ITGA7: variants seen among roughly 807,000 people sequenced by gnomAD.
ITGA7 encodes integrin subunit alpha 7.
ITGA7 carries 84 observed loss-of-function variants against 131.6 expected under a neutral mutation model. That is an observed-to-expected ratio of 0.64 (90% CI 0.54 to 0.77). The LOEUF is 0.77. Ranked by LOEUF, ITGA7 falls within the 30% of genes least tolerant of loss-of-function variation. The probability of loss-of-function intolerance (pLI) is 0.00; values close to 1 mark genes in which losing one functional copy is unlikely to be tolerated. For synonymous variants in ITGA7, 548 were observed against 600.7 expected, an observed-to-expected ratio of 0.91 and a Z score of 1.28; for missense variants, 1,399 against 1,482.9, an observed-to-expected ratio of 0.94 and a Z score of 0.93.
chr12:55,699,130 C>T (rs1027581582), intron 5 of ITGA7, among the ~76,000 whole-genome samples: 4 of 152,102 alleles, frequency 2.6e-5, no homozygotes, highest in Non-Finnish European at 5.9e-5. Context: ...CCCCACAGGG[C>T]CTGGCAGCCT....
At position 55,700,836 on chromosome 12, in the gene ITGA7, AC is replaced by A. The variant is rs1265981246; in HGVS notation, c.670+62del. The A allele has an allele frequency of 2.5e-6, 4 of 1,608,976 alleles. No homozygotes were observed. In the Admixed American group the frequency reaches 6.7e-5, roughly 27 times the overall value. The stretch of plus-strand genomic sequence containing the variant: ...CATGCTTGGCCATGTGCCATCCCCA[AC>A]CCTGTCTCTGAGGTAAGAGGAGGTT... On this transcript the variant is annotated intron_variant, in intron 4 of 24. Coordinates refer to ENST00000257879, the MANE Select transcript of ITGA7 (RefSeq NM_002206.3).
rs201709662 is a variant in ITGA7, at chr12:55,685,149, C to T, written c.3323G>A (p.Arg1108Gln). ...TILRNNWGSP[R>Q]REGPDAHPIL... ...GGGGTGTGCATCCGGGCCCTCCCGC[C>T]GGGGGCTGCCCCAGTTGTTCCTCAG... Residue 1108 changes from arginine to glutamine, a missense_variant, in exon 25 of 25, where the codon CGG becomes CAG. Physicochemically the swap from Arg to Gln is conservative, Grantham distance 43. Transcript: ENST00000257879. The T allele has an allele frequency of 4.8e-5, 77 of 1,613,738 alleles. No homozygotes were observed. The highest frequency in any genetic ancestry group is 1.6e-4 in the Middle Eastern group (1 of 6,084).
At position 55,694,293 on chromosome 12, in the gene ITGA7, C is replaced by T. The variant is rs766866804; in HGVS notation, c.2395G>A (p.Ala799Thr). ...AGTGGCAGCTCAATGAAGACACGGG[C>T]TCGTGCAGAGACTGGATGCAGCTCC... ...EQELHPVSAR[A>T]RVFIELPLSI... is the part of the protein sequence containing the mutation. Residue 799 changes from alanine to threonine, a missense_variant, in exon 18 of 25, where the codon GCC (alanine) becomes ACC (threonine). Physicochemically the swap from Ala to Thr is moderately conservative, Grantham distance 58 (BLOSUM62 0). Transcript: ENST00000257879. This position sits in a 1 kb window ranked among gnomAD's most constrained non-coding sequence, Gnocchi z 5.3. 2.5e-6 allele frequency: 4 copies of T among 1,614,038 alleles called. No individual in the cohort carries two copies. The highest frequency in any genetic ancestry group is 3.4e-6 in the Non-Finnish European group (4 of 1,180,048).
Position 55,707,870 on chromosome 12 carries a change from A to G in ITGA7, c.-188T>C. On this transcript the variant is annotated 5_prime_UTR_variant, in exon 1 of 25. Coordinates refer to ENST00000257879, the MANE Select transcript of ITGA7 (RefSeq NM_002206.3). The stretch of plus-strand genomic sequence containing the variant: ...CCACCCCGCCGCCCCAGCACCGGCT[A>G]GGACAACTACAGCAGCCGCAGCTCC... The G allele has an allele frequency of 2.1e-6, 3 of 1,424,878 alleles. No homozygotes were observed. The highest frequency in any genetic ancestry group is 2.8e-5 in the South Asian group (2 of 70,212). 88.3% of individuals were successfully genotyped at this position (1,424,878 alleles called of 1,614,324 possible). A position where few individuals can be genotyped will look rare whatever the true frequency, so the allele number is the denominator to read the frequency against.
intron 1 of ITGA7, 96 bp downstream of exon 1, chr12:55,707,379 TGG>T: frequency 1.0e-6 from 1 of 987,160 alleles, no homozygotes. Flanking sequence ...TAGGTCTTGG[TGG>T]GGCTAGAAAA....
chr12:55,684,992 A>G lies in ITGA7; in HGVS notation c.*66T>C. ...ACCAGCAGCCCACTCTACCCTCTTC[A>G]TCCCAAGGAGCCATCTCTGGGGAAG... On this transcript the variant is annotated 3_prime_UTR_variant, in exon 25 of 25. Transcript: ENST00000257879. The G allele has an allele frequency of 7.4e-7, 1 of 1,358,184 alleles. No individual in the cohort carries two copies. The highest frequency in any genetic ancestry group is 1.0e-6 in the Non-Finnish European group (1 of 1,002,516). 84.1% of individuals were successfully genotyped at this position (1,358,184 alleles called of 1,614,324 possible). A position where few individuals can be genotyped will look rare whatever the true frequency, so the allele number is the denominator to read the frequency against.
intron 4 of ITGA7, 125 bp from the exon 5 acceptor site, chr12:55,700,114 AC>A: frequency 1.4e-6 from 2 of 1,430,794 alleles, no homozygotes; most frequent in Non-Finnish European, 1.9e-6. Context: ...AGAAAAAGAG[AC>A]CAGAGAGATC....
chr12:55,698,162 C>T, intron 7 of ITGA7, 136 bp from the exon 8 acceptor site: 1 of 915,474 alleles, frequency 1.1e-6, no homozygotes, highest in Non-Finnish European at 1.7e-6. Flanking sequence ...ACTCTACATA[C>T]ATCATCTTTA....
rs1874447850 is a variant in ITGA7, at chr12:55,703,196, G to A, written c.207-18C>T. The A allele has an allele frequency of 6.2e-7, 1 of 1,605,550 alleles. No individual in the cohort carries two copies. Among genetic ancestry groups the A allele is most frequent in the South Asian group, 1.1e-5 (1 of 90,970 alleles). On this transcript the variant is annotated intron_variant, in intron 1 of 24. Transcript: ENST00000257879. ...CCAGCAGCCTGCAAGATGGGGCAGG[G>A]GCAGGGACAGGGACAGGAGTTAGAG...
chr12:55,702,342 G>A (rs1010227422), intron 3 of ITGA7, among the ~76,000 whole-genome samples: 9 of 152,152 alleles, frequency 5.9e-5, no homozygotes, highest in Non-Finnish European at 1.0e-4. Context: ...CACCACGCCC[G>A]GCTAATTTTT....
Position 55,693,301 on chromosome 12 carries a change from T to G in ITGA7, c.2552A>C (p.Gln851Pro). The G allele has an allele frequency of 6.2e-7, 1 of 1,613,690 alleles. No homozygotes were observed. Among genetic ancestry groups the G allele is most frequent in the South Asian group, 1.1e-5 (1 of 91,054 alleles). Residue 851 changes from glutamine (Q) to proline (P), a missense_variant, in exon 20 of 25, where the codon CAG becomes CCG. Coordinates refer to ENST00000257879, the MANE Select transcript of ITGA7 (RefSeq NM_002206.3). Reference sequence around the variant, plus strand: ...GGCAGAGCCCAGGGTTCTGAGCGACTGGCCTTGGTTGGAAACCTGTGGGAA... The same window carrying G: ...GGCAGAGCCCAGGGTTCTGAGCGACGGGCCTTGGTTGGAAACCTGTGGGAA... ...KYEVTVSNQG[Q>P]SLRTLGSAFL...
At chr12:55,688,163 G>A (rs1223444021) in intron 23 of ITGA7, 39 bp downstream of exon 23, 1 of 1,613,838 alleles carries the variant, frequency 6.2e-7, no homozygotes, top group Admixed American at 1.7e-5. Flanking sequence ...CAGGAAAGAA[G>A]AGAGTCCTCC....
intron 24 of ITGA7, among the ~76,000 whole-genome samples, chr12:55,687,540 G>A (rs1870487210): frequency 7.2e-6 from 1 of 139,116 alleles, no homozygotes; most frequent in African/African-American, 2.7e-5. Flanking sequence ...CACCCAGGCT[G>A]GAGTGCAATG....
upstream of ITGA7, among the ~76,000 whole-genome samples, chr12:55,708,966 GA>G (rs1393713995): frequency 6.6e-6 from 1 of 152,162 alleles, no homozygotes; most frequent in Non-Finnish European, 1.5e-5. Flanking sequence ...TTATAACTCC[GA>G]TACAGAAATG....
intron 21 of ITGA7, among the ~76,000 whole-genome samples, chr12:55,690,587 A>G (rs1871218790): frequency 6.7e-6 from 1 of 149,522 alleles, no homozygotes; most frequent in South Asian, 2.2e-4. Context: ...ATCTAGAACT[A>G]GAAATACCAT....
At chr12:55,685,576 C>T (rs989681325) in intron 24 of ITGA7, among the ~76,000 whole-genome samples, 1 of 152,114 alleles carries the variant, frequency 6.6e-6, no homozygotes, top group Non-Finnish European at 1.5e-5. Context: ...GCATCAGGAC[C>T]GGACTCAAGA....
At position 55,694,347 on chromosome 12, in the gene ITGA7, G is replaced by A. The variant is rs1244461869; in HGVS notation, c.2358-17C>T. On this transcript the variant is annotated splice_polypyrimidine_tract_variant and intron_variant, in intron 17 of 24. Transcript: ENST00000257879. The surrounding 1 kb of genome is among the most constrained non-coding windows in gnomAD (Gnocchi z 5.3). ...TCACTGATCCTGGTGAGTGGGCAGG[G>A]GCAAGTATGGGCATCAGGCACAGGC... The A allele has an allele frequency of 1.2e-6, 2 of 1,613,486 alleles. No individual in the cohort carries two copies. Among genetic ancestry groups the A allele is most frequent in the South Asian group, 1.1e-5 (1 of 91,086 alleles).
At chr12:55,715,300 G>A (rs1197466498), upstream of ITGA7, among the ~76,000 whole-genome samples, 2 of 151,998 alleles carry the variant, frequency 1.3e-5, no homozygotes, top group Admixed American at 1.3e-4. Flanking sequence ...CTAGAATGGT[G>A]AGCAACTTGC....
chr12:55,690,351 G>A (rs1311153470), intron 21 of ITGA7, among the ~76,000 whole-genome samples: 6 of 151,664 alleles, frequency 4.0e-5, no homozygotes, highest in African/African-American at 1.5e-4. Flanking sequence ...CATTTATGCA[G>A]CCAAAAAACA....
Sources: allele counts gnomAD v4.1 joint callset (sites outside exome capture counted in the v4.1 genomes callset), GRCh38; gene constraint gnomAD v4.1.1; non-coding constraint Gnocchi (gnomAD v3.1); transcripts MANE v1.5; gene names NCBI Gene and HGNC (gene_info 2026-07-23, HGNC 2026-07-21).